Variants in ACSM3 observed in about 807,000 individuals in gnomAD.
ACSM3 encodes the protein acyl-coenzyme A synthetase ACSM3, mitochondrial.
In ACSM3, 61 loss-of-function variants were observed where a neutral mutation model predicts 74.1. The ratio of observed to expected loss-of-function variants is 0.82; its 90% CI spans 0.67 to 1.02. The LOEUF (loss-of-function observed/expected upper bound fraction) is 1.02. Among genes scored for constraint, ACSM3 ranks in the 50% least tolerant of loss-of-function variants. The pLI, the probability that ACSM3 is intolerant of heterozygous loss-of-function variation, is 0.00. For missense variants in ACSM3, 660 were observed against 697.0 expected (o/e 0.95, Z 0.60); for synonymous variants, 213 against 241.5 (o/e 0.88, Z 1.09).
chr16:20,705,144 G>A lies in ACSM3; in HGVS notation c.-190+30322G>A, dbSNP rs555001311. Among the ~76,000 whole-genome samples, 11 of 152,224 alleles carry A rather than the reference G, an allele frequency of 7.2e-5. No individual in the cohort carries two copies. In the East Asian group the frequency reaches 9.7e-4, roughly 13 times the overall value. Reference sequence around the variant, plus strand: ...TCCCAGCACTTTGGGAGGCCGAGGCGGGCAGATCACGAGGTCAGGAGATTG... The same window carrying A: ...TCCCAGCACTTTGGGAGGCCGAGGCAGGCAGATCACGAGGTCAGGAGATTG... On this transcript the variant is annotated intron_variant, in intron 1 of 3. Coordinates refer to the ACSM3 transcript ENST00000561584.
chr16:20,796,273 C>T (rs1263755855), intron 12 of ACSM3, 97 bp from the exon 13 acceptor site: 3 of 1,522,266 alleles, frequency 2.0e-6, no homozygotes. Flanking sequence ...CTGGCCCACC[C>T]CACCAGGCAT....
intron 1 of ACSM3, chr16:20,741,481 G>GGGGGGGGCCCCCCCCCCCCC: frequency 7.6e-7 from 1 of 1,308,414 alleles, no homozygotes; most frequent in Non-Finnish European, 9.9e-7. Context: ...CTGGCAGCCG[G>GGGGGGGGCCCCCCCCCCCCC]CCCGCCCGCC....
At chr16:20,684,693 T>C (rs1164768755) in intron 1 of ACSM3, among the ~76,000 whole-genome samples, 1 of 152,236 alleles carries the variant, frequency 6.6e-6, no homozygotes, top group Non-Finnish European at 1.5e-5. Flanking sequence ...TACCTGGTGT[T>C]CATAGGTGTC....
intron 7 of ACSM3, 65 bp from the exon 8 acceptor site, chr16:20,784,919 A>G: frequency 6.5e-7 from 1 of 1,533,768 alleles, no homozygotes; most frequent in South Asian, 1.2e-5. Context: ...CATAAGAAAT[A>G]ATCCTTAATC....
chr16:20,748,909 A>G (rs1032258865), intron 1 of ACSM3, among the ~76,000 whole-genome samples: 1 of 151,962 alleles, frequency 6.6e-6, no homozygotes, highest in Admixed American at 6.6e-5. Context: ...AAAATCAGCC[A>G]TGTGTGGTTG....
At chr16:20,759,868 C>A (rs1256450266), upstream of ACSM3, among the ~76,000 whole-genome samples, 2 of 152,128 alleles carry the variant, frequency 1.3e-5, no homozygotes, top group African/African-American at 2.4e-5. Flanking sequence ...AAGTGGGGGG[C>A]AGTCTTGTGG....
At chr16:20,760,310 C>A (rs1297582583), upstream of ACSM3, among the ~76,000 whole-genome samples, 1 of 152,050 alleles carries the variant, frequency 6.6e-6, no homozygotes, top group Non-Finnish European at 1.5e-5. Flanking sequence ...TGTTGCGGGA[C>A]AATCAAAGAC....
At chr16:20,752,632 G>A (rs1020226330) in intron 2 of ACSM3, among the ~76,000 whole-genome samples, 10 of 152,142 alleles carry the variant, frequency 6.6e-5, no homozygotes, top group African/African-American at 1.7e-4. Flanking sequence ...AACTGGGTAG[G>A]GGTCGAGGGA....
At chr16:20,689,430 CA>C (rs1329348331) in intron 1 of ACSM3, among the ~76,000 whole-genome samples, 1 of 151,634 alleles carries the variant, frequency 6.6e-6, no homozygotes, top group Non-Finnish European at 1.5e-5. Context: ...AAACAATTAC[CA>C]AAATGGCAAT....
chr16:20,740,083 G>A (rs140826243), intron 1 of ACSM3, among the ~76,000 whole-genome samples: 56 of 152,180 alleles, frequency 3.7e-4, no homozygotes, highest in African/African-American at 1.2e-3. Flanking sequence ...AAGGAACAAG[G>A]CACAGAAATA....
intron 4 of ACSM3, 194 bp from the exon 5 acceptor site, chr16:20,780,520 G>T: frequency 8.8e-7 from 1 of 1,140,200 alleles, no homozygotes; most frequent in Non-Finnish European, 1.2e-6. Flanking sequence ...TGATGACAAA[G>T]TTTAGTTTTG....
chr16:20,738,916 G>A, intron 1 of ACSM3: 1 of 1,614,140 alleles, frequency 6.2e-7, no homozygotes, highest in Non-Finnish European at 8.5e-7. Flanking sequence ...GTGTCCTGAT[G>A]AAGACAACGT....
intron 1 of ACSM3, among the ~76,000 whole-genome samples, chr16:20,747,127 T>C (rs974923605): frequency 1.3e-5 from 2 of 151,822 alleles, no homozygotes; most frequent in African/African-American, 4.8e-5. Flanking sequence ...GGCCCAGCGA[T>C]AGACAGGGCT....
At chr16:20,736,921 C>T (rs1229674028) in intron 1 of ACSM3, 10 of 1,614,048 alleles carry the variant, frequency 6.2e-6, no homozygotes, top group Non-Finnish European at 8.5e-6. Flanking sequence ...CCTTCTGTGG[C>T]TTGACTTGCA....
intron 2 of ACSM3, among the ~76,000 whole-genome samples, chr16:20,753,874 AAGAG>A (rs59184659): frequency 0.053 from 7,901 of 150,000 alleles, 705 homozygotes; most frequent in African/African-American, 0.19. Flanking sequence ...AGAGAAAGAA[AAGAG>A]AGAGAGAGAA....
chr16:20,748,154 AATAAATAG>A (rs1040144586), intron 1 of ACSM3, among the ~76,000 whole-genome samples: 10 of 147,284 alleles, frequency 6.8e-5, no homozygotes, highest in Admixed American at 1.3e-4. Context: ...TAAATAAATA[AATAAATAG>A]ATAGATAAAT....
chr16:20,736,622 G>A (rs2079871724), intron 1 of ACSM3: 1 of 418,800 alleles, frequency 2.4e-6, no homozygotes, highest in Non-Finnish European at 4.3e-6. Flanking sequence ...AGGAGCCTGG[G>A]AGAGGCCAAC....
intron 1 of ACSM3, among the ~76,000 whole-genome samples, chr16:20,678,958 A>G (rs2152298806): frequency 6.6e-6 from 1 of 152,286 alleles, no homozygotes; most frequent in South Asian, 2.1e-4. Flanking sequence ...TAACTTTAAG[A>G]AGGCAAATGC....
At chr16:20,698,776 T>C (rs2079703893) in intron 1 of ACSM3, 1 of 152,234 alleles carries the variant, frequency 6.6e-6, no homozygotes, top group Non-Finnish European at 1.5e-5. Context: ...CCTAAAGTGC[T>C]GGGATTACAG....
Sources: allele counts gnomAD v4.1 joint callset (sites outside exome capture counted in the v4.1 genomes callset), GRCh38; gene constraint gnomAD v4.1.1; transcripts MANE v1.5; gene names NCBI Gene and HGNC (gene_info 2026-07-23, HGNC 2026-07-21).